CTPS2: variants seen among roughly 807,000 people sequenced by gnomAD.
CTPS2 encodes the protein CTP synthase 2.
Under a neutral mutation model 46.8 loss-of-function variants are expected in CTPS2, and 19 were observed. The observed-to-expected ratio is 0.41, with a 90% CI of 0.28 to 0.60. The LOEUF (loss-of-function observed/expected upper bound fraction) is 0.60, where lower values mean the gene tolerates loss of function less well. Ranked by LOEUF, CTPS2 falls within the 20% of genes least tolerant of loss-of-function variation. The pLI is 0.35. For synonymous variants in CTPS2, 151 were observed against 165.2 expected, an observed-to-expected ratio of 0.91 and a Z score of 0.66; for missense variants, 286 against 447.6, an observed-to-expected ratio of 0.64 and a Z score of 3.26.
intron 4 of CTPS2, among the ~76,000 whole-genome samples, chrX:16,697,593 A>G (rs1924222508): frequency 9.2e-6 from 1 of 109,178 alleles, no homozygotes; most frequent in Non-Finnish European, 1.9e-5. Context: ...ACAGGTGCGT[A>G]CCAACATGCC....
At chrX:16,622,660 A>G (rs1039336154) in intron 14 of CTPS2, among the ~76,000 whole-genome samples, 1 of 111,464 alleles carries the variant, frequency 9.0e-6, no homozygotes, top group African/African-American at 3.3e-5. Context: ...AAGGAATCGT[A>G]TCTTCGAGTC....
chrX:16,663,995 C>A (rs749851374), intron 13 of CTPS2, among the ~76,000 whole-genome samples: 1 of 110,507 alleles, frequency 9.0e-6, no homozygotes, highest in Non-Finnish European at 1.9e-5. Flanking sequence ...GCCACCACGC[C>A]CAGCTAATTT....
chrX:16,700,540 C>T (rs1164086671), intron 2 of CTPS2, among the ~76,000 whole-genome samples: 1 of 102,126 alleles, frequency 9.8e-6, no homozygotes, highest in African/African-American at 3.6e-5. Context: ...CCAGCCTGGG[C>T]GACAGAGTGA....
intron 13 of CTPS2, 87 bp downstream of exon 13, chrX:16,667,427 C>A (rs988517628): frequency 9.9e-7 from 1 of 1,011,973 alleles, no homozygotes; most frequent in African/African-American, 1.9e-5. Context: ...AGCCATGGCG[C>A]CCAGCCAATA....
chrX:16,690,128 T>C (rs1383506453), intron 7 of CTPS2, among the ~76,000 whole-genome samples: 2 of 108,986 alleles, frequency 1.8e-5, no homozygotes, highest in African/African-American at 6.7e-5. Flanking sequence ...TCCAGCACTT[T>C]TGGAGGCTGA....
chrX:16,678,047 T>C (rs760407811), intron 10 of CTPS2, among the ~76,000 whole-genome samples: 1 of 112,025 alleles, frequency 8.9e-6, no homozygotes. Context: ...ACTTTGCATA[T>C]GTAAGATTCA....
intron 11 of CTPS2, 23 bp downstream of exon 11, chrX:16,670,557 G>C: frequency 9.0e-7 from 1 of 1,114,380 alleles, no homozygotes; most frequent in Non-Finnish European, 1.2e-6. Context: ...CTCATAGTTA[G>C]GGTCAATAAA....
intron 16 of CTPS2, among the ~76,000 whole-genome samples, chrX:16,615,364 C>T (rs1930478645): frequency 9.0e-6 from 1 of 111,215 alleles, no homozygotes; most frequent in South Asian, 3.8e-4. Context: ...TAAAAGCAGC[C>T]ATAGACAAGA....
intron 16 of CTPS2, 106 bp downstream of exon 16, chrX:16,617,044 G>A (rs1388862156): frequency 2.9e-5 from 16 of 543,419 alleles, no homozygotes; most frequent in Non-Finnish European, 4.6e-5. Flanking sequence ...TGTTTCAAAG[G>A]AGAGAAGAAA....
intron 3 of CTPS2, among the ~76,000 whole-genome samples, chrX:16,698,538 T>G (rs1183329939): frequency 1.2e-5 from 1 of 81,298 alleles, no homozygotes; most frequent in East Asian, 3.7e-4. Context: ...TTCTACTTGG[T>G]TTTTTTGGCT....
At chrX:16,612,270 G>A (rs1007037360) in intron 16 of CTPS2, among the ~76,000 whole-genome samples, 56 of 111,946 alleles carry the variant, frequency 5.0e-4, no homozygotes, top group African/African-American at 1.8e-3. Context: ...AACCCTTCAG[G>A]AACAGTGGAG....
intron 14 of CTPS2, among the ~76,000 whole-genome samples, chrX:16,630,974 A>G (rs910071909): frequency 2.7e-5 from 3 of 112,612 alleles, no homozygotes; most frequent in African/African-American, 9.7e-5. Context: ...CCCTTATTGA[A>G]AAAGTGTACA....
At chrX:16,683,369 G>T in intron 8 of CTPS2, 143 bp from the exon 9 acceptor site, 2 of 558,130 alleles carry the variant, frequency 3.6e-6, no homozygotes, top group Non-Finnish European at 2.9e-6. Flanking sequence ...AGGCTGAGGC[G>T]AGAGAATCAC....
At chrX:16,681,963 T>C (rs923672633) in intron 9 of CTPS2, among the ~76,000 whole-genome samples, 3 of 112,332 alleles carry the variant, frequency 2.7e-5, no homozygotes, top group Non-Finnish European at 5.6e-5. Flanking sequence ...ATACTGAGTT[T>C]CCAAAACAAA....
chrX:16,591,529 C>T (rs889141717), intron 17 of CTPS2, among the ~76,000 whole-genome samples: 25 of 111,481 alleles, frequency 2.2e-4, no homozygotes, highest in Non-Finnish European at 4.0e-4. Context: ...AATATGGCAT[C>T]TTGGCATATT....
At chrX:16,611,249 G>A (rs1378309861) in intron 16 of CTPS2, among the ~76,000 whole-genome samples, 1 of 111,576 alleles carries the variant, frequency 9.0e-6, no homozygotes, top group Admixed American at 9.5e-5. Context: ...CTAGGAGCTC[G>A]AGACCAGCCG....
intron 4 of CTPS2, among the ~76,000 whole-genome samples, chrX:16,694,384 T>TCCTCCTTGGAGGGCGGACTCTGAC (rs1382147041): frequency 1.8e-5 from 2 of 110,778 alleles, no homozygotes; most frequent in African/African-American, 6.6e-5. Flanking sequence ...GAGAGATGCA[T>TCCTCCTTGGAGGGCGGACTCTGAC]CCTCCTTGGA....
At chrX:16,590,728 C>A in intron 18 of CTPS2, 24 bp downstream of exon 18, 1 of 850,419 alleles carries the variant, frequency 1.2e-6, no homozygotes, top group Non-Finnish European at 1.7e-6. Flanking sequence ...GAGAAATGAA[C>A]AATCCTCGAA....
At chrX:16,608,058 C>T (rs1345565413) in intron 17 of CTPS2, among the ~76,000 whole-genome samples, 2 of 109,811 alleles carry the variant, frequency 1.8e-5, no homozygotes, top group African/African-American at 3.3e-5. Flanking sequence ...CTAAAAAATA[C>T]AAAAATTAGC....
Sources: allele counts gnomAD v4.1 joint callset (sites outside exome capture counted in the v4.1 genomes callset), GRCh38; gene constraint gnomAD v4.1.1; transcripts MANE v1.5; gene names NCBI Gene and HGNC (gene_info 2026-07-23, HGNC 2026-07-21).